UBALD2: variants seen among roughly 807,000 people sequenced by gnomAD.
UBALD2 encodes UBA-like domain-containing protein 2.
Under a neutral mutation model 15.9 loss-of-function variants are expected in UBALD2, and 8 were observed. That is an observed-to-expected ratio of 0.50 (90% CI 0.29 to 0.91). The LOEUF is 0.91. Among genes scored for constraint, UBALD2 ranks in the 40% least tolerant of loss-of-function variants. The pLI is 0.07. For missense variants in UBALD2, 178 were observed against 234.8 expected (o/e 0.76, Z 1.58); for synonymous variants, 113 against 97.7 (o/e 1.16, Z -0.93).
Position 76,265,358 on chromosome 17 carries a change from C to T in UBALD2, c.-148C>T. 1.2e-6 allele frequency: 1 copy of T among 839,530 alleles called. No homozygotes were observed. Among genetic ancestry groups the T allele is most frequent in the Non-Finnish European group, 1.4e-6 (1 of 696,738 alleles). 52.0% of individuals were successfully genotyped at this position (839,530 alleles called of 1,614,324 possible). On this transcript the variant is annotated 5_prime_UTR_variant, in exon 1 of 3. Transcript: ENST00000327490. ...CGCGGGAGTCGAACCACAACATTCGCCGGGCGGGCGGCGGCGGAGCGGGCG... is the reference window on the plus strand; with the variant it reads ...CGCGGGAGTCGAACCACAACATTCGTCGGGCGGGCGGCGGCGGAGCGGGCG...
Position 76,270,668 on chromosome 17 carries a change from T to C in UBALD2, c.*163T>C. On this transcript the variant is annotated 3_prime_UTR_variant, in exon 3 of 3. Coordinates refer to ENST00000327490, the MANE Select transcript of UBALD2 (RefSeq NM_182565.4). ...TTTGTGGGTCGGGGGGACAGTAAAC[T>C]TCCTGGGCCACGTGGGTCCTTCAGG... is the stretch of plus-strand genomic sequence containing the variant. 1 of 612,466 alleles carries C rather than the reference T, an allele frequency of 1.6e-6. No homozygotes were observed. Among genetic ancestry groups the C allele is most frequent in the Non-Finnish European group, 2.6e-6 (1 of 388,054 alleles). 37.9% of individuals were successfully genotyped at this position (612,466 alleles called of 1,614,324 possible). A position where few individuals can be genotyped will look rare whatever the true frequency, so the allele number is the denominator to read the frequency against.
chr17:76,265,724 C>G, intron 1 of UBALD2, 99 bp downstream of exon 1: 2 of 1,273,530 alleles, frequency 1.6e-6, no homozygotes, highest in Non-Finnish European at 2.0e-6. Context: ...GGAAGGCGAT[C>G]GGCGCCCGCG....
chr17:76,266,536 G>T (rs979124893), intron 2 of UBALD2, among the ~76,000 whole-genome samples: 27 of 152,336 alleles, frequency 1.8e-4, no homozygotes, highest in Non-Finnish European at 3.7e-4. Context: ...GGACTGGGAA[G>T]TTGGAAGGAC....
chr17:76,265,622 C>T lies in UBALD2; in HGVS notation c.117C>T (p.Phe39=). ...TGCTGCAGGCGGCCCACTGGCAGTT[C>T]GAGGTGCGAGCCTGGCCGCCGCGGG... ...KQLLQAAHWQ[F]ETALSTFFQE... Residue 39 remains phenylalanine, a synonymous_variant, in exon 1 of 3, where the codon TTC becomes TTT. Transcript: ENST00000327490. 7.9e-7 allele frequency: 1 copy of T among 1,262,416 alleles called. No homozygotes were observed. Among genetic ancestry groups the T allele is most frequent in the Non-Finnish European group, 1.0e-6 (1 of 987,624 alleles). The allele number at this position is 1,262,416 out of a possible 1,614,324, so 78.2% of individuals were successfully genotyped here. A position where few individuals can be genotyped will look rare whatever the true frequency, so the allele number is the denominator to read the frequency against.
At chr17:76,266,035 C>T in intron 2 of UBALD2, 66 bp downstream of exon 2, 1 of 1,489,168 alleles carries the variant, frequency 6.7e-7, no homozygotes, top group Non-Finnish European at 9.1e-7. Context: ...AGCCATGTTG[C>T]CGGGGAGCGC....
At chr17:76,266,105 C>T (rs1281531153) in intron 2 of UBALD2, 136 bp downstream of exon 2, 5 of 1,167,826 alleles carry the variant, frequency 4.3e-6, no homozygotes, top group Admixed American at 2.4e-5. Context: ...GCTCCCGGGC[C>T]GGCGCTGGCG....
chr17:76,268,679 T>C (rs1229564961), intron 2 of UBALD2, among the ~76,000 whole-genome samples: 1 of 151,488 alleles, frequency 6.6e-6, no homozygotes, highest in Non-Finnish European at 1.5e-5. Flanking sequence ...ATTCCATGTA[T>C]GTTACACACC....
chr17:76,268,731 G>GTTTTT (rs555489468), intron 2 of UBALD2, among the ~76,000 whole-genome samples: 1 of 121,598 alleles, frequency 8.2e-6, no homozygotes, highest in Non-Finnish European at 1.7e-5. Flanking sequence ...AGCTCCCTCT[G>GTTTTT]TTTTTTTTTT....
rs368788025 is a variant in UBALD2 at position 76,265,514 on chromosome 17, G to A, written c.9G>A (p.Val3=). 8.9e-5 allele frequency: 113 copies of A among 1,274,654 alleles called. No homozygotes were observed. The African/African-American group carries it at 1.3e-3, about 14-fold the overall frequency. 79.0% of individuals were successfully genotyped at this position (1,274,654 alleles called of 1,614,324 possible). MS[V]NMDELRHQVM... ...CCGCGCCGCGCCGCGCCATGTCGGTGAACATGGACGAGCTGCGGCACCAGG... is the reference window on the plus strand; with the variant it reads ...CCGCGCCGCGCCGCGCCATGTCGGTAAACATGGACGAGCTGCGGCACCAGG... The change falls in exon 1 of 3, where the codon GTG becomes GTA. Residue 3 remains valine, a synonymous_variant. Coordinates refer to ENST00000327490, the MANE Select transcript of UBALD2 (RefSeq NM_182565.4).
intron 2 of UBALD2, 101 bp from the exon 3 acceptor site, chr17:76,270,093 C>A: frequency 8.0e-7 from 1 of 1,246,790 alleles, no homozygotes; most frequent in Non-Finnish European, 1.1e-6. Context: ...ATGAATGAAG[C>A]TGAAAAATGG....
At position 76,270,616 on chromosome 17, in the gene UBALD2, C is replaced by T. The variant is rs1037334775; in HGVS notation, c.*111C>T. ...GGAGGGCAGGGGGTTTCCCGAAGATCGCACTGGAAGATTTTATAAAAGAAT... is the reference window on the plus strand; with the variant it reads ...GGAGGGCAGGGGGTTTCCCGAAGATTGCACTGGAAGATTTTATAAAAGAAT... On this transcript the variant is annotated 3_prime_UTR_variant, in exon 3 of 3. Coordinates refer to ENST00000327490, the MANE Select transcript of UBALD2 (RefSeq NM_182565.4). 2.8e-5 allele frequency: 29 copies of T among 1,040,792 alleles called. No homozygotes were observed. Among genetic ancestry groups the T allele is most frequent in the South Asian group, 8.4e-5 (4 of 47,704 alleles). 64.5% of individuals were successfully genotyped at this position (1,040,792 alleles called of 1,614,324 possible).
intron 2 of UBALD2, among the ~76,000 whole-genome samples, chr17:76,267,490 CTTTTTTTTTTTT>C (rs55819046): frequency 8.2e-4 from 94 of 115,098 alleles, no homozygotes; most frequent in African/African-American, 3.2e-3. Flanking sequence ...TTCATGGTTT[CTTTTTTTTTTTT>C]TTTTTTTTTC....
chr17:76,270,495 G>A lies in UBALD2; in HGVS notation c.485G>A (p.Gly162Asp), dbSNP rs1598468861. 6.9e-7 allele frequency: 1 copy of A among 1,459,730 alleles called. No homozygotes were observed. The highest frequency in any genetic ancestry group is 9.0e-7 in the Non-Finnish European group (1 of 1,109,012). The allele number at this position is 1,459,730 out of a possible 1,614,324, so 90.4% of individuals were successfully genotyped here. Residue 162 changes from glycine to aspartate, a missense_variant, in exon 3 of 3, where the codon GGC (glycine) becomes GAC (aspartate). Physicochemically the swap from Gly to Asp is moderately conservative, Grantham distance 94 (BLOSUM62 -1). Transcript: ENST00000327490. ...AQQKAMAAMD[G>D]QR ...CAGAAAGCCATGGCGGCCATGGACG[G>A]CCAGAGATGAGACTGGACGCCGCCG...
intron 2 of UBALD2, 65 bp from the exon 3 acceptor site, chr17:76,270,129 A>G (rs1392809483): frequency 1.3e-6 from 2 of 1,534,874 alleles, no homozygotes; most frequent in Admixed American, 1.8e-5. Flanking sequence ...TGGCCTGGGT[A>G]AGCCCCATCC....
chr17:76,269,441 C>CAATATAT lies in UBALD2; in HGVS notation c.184-751_184-750insTATATAA, dbSNP rs1322364420. On this transcript the variant is annotated intron_variant, in intron 2 of 2. Transcript: ENST00000327490. The surrounding 1 kb of genome is among the most constrained non-coding windows in gnomAD (Gnocchi z 4.6). ...CATTGAAATCCCTGGTTTGTGTCCT[C>CAATATAT]AAGGGGCCCAGATATAAAGGGGCTC... Among the ~76,000 whole-genome samples, 4 of 151,712 alleles carry CAATATAT rather than the reference C, an allele frequency of 2.6e-5. No homozygotes were observed. The highest frequency in any genetic ancestry group is 9.7e-5 in the African/African-American group (4 of 41,128).
At chr17:76,266,081 TC>T in intron 2 of UBALD2, 112 bp downstream of exon 2, 1 of 1,347,640 alleles carries the variant, frequency 7.4e-7, no homozygotes, top group Non-Finnish European at 1.0e-6. Context: ...CAAAATGTCT[TC>T]CAGGAAAGAG....
chr17:76,268,675 T>C (rs1026700945), intron 2 of UBALD2, among the ~76,000 whole-genome samples: 4 of 151,298 alleles, frequency 2.6e-5, no homozygotes, highest in Non-Finnish European at 5.9e-5. Context: ...CCCCATTCCA[T>C]GTATGTTACA....
chr17:76,267,951 AC>A (rs1310139561), intron 2 of UBALD2, among the ~76,000 whole-genome samples: 1 of 152,182 alleles, frequency 6.6e-6, no homozygotes, highest in African/African-American at 2.4e-5. Flanking sequence ...GAGCCACTGC[AC>A]CCGGCCTGGC....
chr17:76,269,036 A>G lies in UBALD2; in HGVS notation c.184-1158A>G, dbSNP rs558408581. Among the ~76,000 whole-genome samples, 15 of 152,086 alleles carry G rather than the reference A, an allele frequency of 9.9e-5. No homozygotes were observed. The East Asian group carries it at 2.7e-3, about 27-fold the overall frequency. ...AGACGTGAGCCACTGCGCCCTGCCA[A>G]AGCTCCCTCTTTCAAGGTGAAGAGC... On this transcript the variant is annotated intron_variant, in intron 2 of 2. Transcript: ENST00000327490. This position sits in a 1 kb window ranked among gnomAD's most constrained non-coding sequence, Gnocchi z 4.6.
Sources: gnomAD v4.1 joint callset for allele counts (sites outside exome capture counted in the v4.1 genomes callset) on GRCh38, gnomAD v4.1.1 for gene constraint, Gnocchi (gnomAD v3.1) non-coding constraint, MANE v1.5 for transcripts, NCBI Gene and HGNC (gene_info 2026-07-23, HGNC 2026-07-21) for gene names.